The following NKD2 variants were observed in gnomAD, a reference collection of about 807,000 sequenced individuals.
NKD2 encodes the protein protein naked cuticle homolog 2.
In NKD2, 43 loss-of-function variants were observed where a neutral mutation model predicts 34.8. The observed-to-expected ratio is 1.24, with a 90% CI of 0.97 to 1.60. NKD2 has a LOEUF of 1.60. NKD2 is among the 40% of genes most tolerant of loss of function. The pLI is 0.00. For synonymous variants in NKD2, 278 were observed against 265.1 expected (o/e 1.05, Z -0.47); for missense variants, 675 against 627.1 (o/e 1.08, Z -0.82).
rs149702112 is a variant in NKD2 at position 1,017,066 on chromosome 5, C to T, written c.141+7506C>T. 9.6e-4 allele frequency among the ~76,000 whole-genome samples: 146 copies of T among 152,268 alleles called. 1 individual carries two copies. Among genetic ancestry groups the T allele is most frequent in the Middle Eastern group, 3.4e-3 (1 of 294 alleles). On this transcript the variant is annotated intron_variant, in intron 3 of 9. Transcript: ENST00000296849. ...TCCTTCCCACAAAGGATAACAGAGCCGACCTCATCCTCGTTCCCACAAAGG... is the reference window on the plus strand; with the variant it reads ...TCCTTCCCACAAAGGATAACAGAGCTGACCTCATCCTCGTTCCCACAAAGG...
At chr5:1,032,455 T>TA (rs1354520423) in intron 4 of NKD2, among the ~76,000 whole-genome samples, 12 of 152,248 alleles carry the variant, frequency 7.9e-5, no homozygotes, top group African/African-American at 2.9e-4. Flanking sequence ...CCCTAAGCGT[T>TA]ACCTTTATGT....
chr5:1,030,765 T>C (rs1490314644), intron 3 of NKD2, among the ~76,000 whole-genome samples: 1 of 152,096 alleles, frequency 6.6e-6, no homozygotes, highest in African/African-American at 2.4e-5. Flanking sequence ...TTTTTAATAA[T>C]CAGCTGTTTT....
At position 1,038,411 on chromosome 5, in the gene NKD2, A is replaced by G. The variant is rs3889678; in HGVS notation, c.*38A>G. 0.98 allele frequency: 1,508,253 copies of G among 1,535,532 alleles called. 744,515 individuals are homozygous for G. Among genetic ancestry groups the G allele is most frequent in the East Asian group, 1 (40,832 of 40,832 alleles). On this transcript the variant is annotated 3_prime_UTR_variant, in exon 10 of 10. Transcript: ENST00000296849. The surrounding 1 kb of genome is among the most constrained non-coding windows in gnomAD (Gnocchi z 4.5). ...GCACACCTCGCTCCCAGCACACCACAGCCCGCGACCTCAGGGCAGGGAGCA... is the reference window on the plus strand; with the variant it reads ...GCACACCTCGCTCCCAGCACACCACGGCCCGCGACCTCAGGGCAGGGAGCA...
chr5:1,026,819 A>G (rs1756432047), intron 3 of NKD2, among the ~76,000 whole-genome samples: 1 of 152,238 alleles, frequency 6.6e-6, no homozygotes, highest in Non-Finnish European at 1.5e-5. Context: ...GGTCCTGCCC[A>G]GCCGCATCCC....
At chr5:1,032,791 G>T (rs558514247) in intron 4 of NKD2, among the ~76,000 whole-genome samples, 2 of 152,340 alleles carry the variant, frequency 1.3e-5, no homozygotes, top group Admixed American at 1.3e-4. Context: ...CAGGCTCGAC[G>T]TGCACCTGTC....
chr5:1,036,114 C>T, intron 8 of NKD2, 143 bp from the exon 9 acceptor site: 12 of 1,351,476 alleles, frequency 8.9e-6, no homozygotes, highest in Non-Finnish European at 1.1e-5. Flanking sequence ...GCCCAGGCGT[C>T]CACTCTCCTT....
intron 3 of NKD2, among the ~76,000 whole-genome samples, chr5:1,026,769 C>T (rs1297698762): frequency 6.6e-6 from 1 of 152,274 alleles, no homozygotes; most frequent in African/African-American, 2.4e-5. Context: ...TCCTCCCAGC[C>T]CCCGAGGCAG....
chr5:1,015,453 A>C (rs1755910982), intron 3 of NKD2, among the ~76,000 whole-genome samples: 1 of 152,236 alleles, frequency 6.6e-6, no homozygotes. Context: ...AGCCTACCCC[A>C]GAATTTGTAG....
At chr5:1,010,814 C>T (rs1033769003) in intron 3 of NKD2, among the ~76,000 whole-genome samples, 6 of 152,192 alleles carry the variant, frequency 3.9e-5, no homozygotes, top group African/African-American at 7.2e-5. Context: ...GGTGGGCGGG[C>T]GTTCACCTCT....
intron 9 of NKD2, chr5:1,036,812 A>G (rs552911835): frequency 1.3e-5 from 6 of 456,300 alleles, no homozygotes; most frequent in South Asian, 7.8e-5. Context: ...GGCAGTGTGG[A>G]CGGCAGGGCA....
At chr5:1,033,525 C>T (rs112787542) in intron 5 of NKD2, 26 bp downstream of exon 5, 56 of 1,533,260 alleles carry the variant, frequency 3.7e-5, no homozygotes, top group African/African-American at 1.9e-4. Flanking sequence ...GCCTCACTTG[C>T]GGGAACACGT....
chr5:1,024,536 C>T (rs1429625433), intron 3 of NKD2, among the ~76,000 whole-genome samples: 3 of 86,370 alleles, frequency 3.5e-5, no homozygotes, highest in African/African-American at 1.5e-4. Flanking sequence ...GCCCATTGTC[C>T]CTGCTCTTCC....
chr5:1,034,032 C>T (rs1733665464), intron 5 of NKD2: 2 of 592,008 alleles, frequency 3.4e-6, no homozygotes, highest in African/African-American at 3.7e-5. Flanking sequence ...AAAGCTGGGT[C>T]CCCCCAAGAA....
In NKD2 at chr5:1,034,257, TGGA is replaced by T. The variant is rs573122605; in HGVS notation, c.360_362del (p.Glu120del). 1,591 of 1,612,280 alleles carry T rather than the reference TGGA, an allele frequency of 9.9e-4. 2 individuals carry two copies. Among genetic ancestry groups the T allele is most frequent in the Non-Finnish European group, 1.2e-3 (1,385 of 1,179,816 alleles). On this transcript the variant is annotated inframe_deletion, in exon 6 of 10. Transcript: ENST00000296849. ...CAGGCACTCCAGTGCGATGTCTCGG[TGGA>T]GGAGGACGACCGCCAGGAGTGGACG...
chr5:1,015,821 CCT>C (rs980435732), intron 3 of NKD2, among the ~76,000 whole-genome samples: 1 of 152,200 alleles, frequency 6.6e-6, no homozygotes, highest in African/African-American at 2.4e-5. Context: ...GTGGCTCCGT[CCT>C]CTCACAGGTC....
chr5:1,031,545 G>A lies in NKD2; in HGVS notation c.142-607G>A, dbSNP rs375490067. Reference sequence around the variant, plus strand: ...AGGGGCTCCGCACCTCCACCACTGCGCAAGGCCCCTGCCCTGACCACAGGT... The same window carrying A: ...AGGGGCTCCGCACCTCCACCACTGCACAAGGCCCCTGCCCTGACCACAGGT... On this transcript the variant is annotated intron_variant, in intron 3 of 9. Coordinates refer to ENST00000296849, the MANE Select transcript of NKD2 (RefSeq NM_033120.4). 2.2e-4 allele frequency among the ~76,000 whole-genome samples: 29 copies of A among 134,710 alleles called. 3 individuals carry two copies. The highest frequency in any genetic ancestry group is 1.7e-3 in the East Asian group (7 of 4,142). 88.4% of individuals were successfully genotyped at this position (134,710 alleles called of 152,430 possible). A position where few individuals can be genotyped will look rare whatever the true frequency, so the allele number is the denominator to read the frequency against.
chr5:1,026,378 A>T (rs866910207), intron 3 of NKD2, among the ~76,000 whole-genome samples: 1 of 72,654 alleles, frequency 1.4e-5, no homozygotes. Context: ...GTCTCGGCCC[A>T]TTGTCCCTGC....
Position 1,037,896 on chromosome 5 carries a change from C to T in NKD2, c.879C>T (p.Ala293=), listed in dbSNP as rs34109339. The stretch of plus-strand genomic sequence containing the variant: ...GCTCCCAGGAGCCAGATACACATGC[C>T]GTACACCACCGCAGGTCACAGGTGC... ...RSRSQEPDTH[A]VHHRRSQVLV... Residue 293 remains alanine (A), a synonymous_variant, in exon 10 of 10, where the codon GCC becomes GCT. Transcript: ENST00000296849. The T allele has an allele frequency of 1.9e-3, 3,094 of 1,606,226 alleles. 16 individuals are homozygous for T. Among genetic ancestry groups the T allele is most frequent in the African/African-American group, 0.019 (1,410 of 75,028 alleles).
chr5:1,032,028 T>C, intron 3 of NKD2, 124 bp from the exon 4 acceptor site: 1 of 733,346 alleles, frequency 1.4e-6, no homozygotes, highest in Non-Finnish European at 2.4e-6. Context: ...GACCCAGAGA[T>C]TGAGACGCCC....
Sources: gnomAD v4.1 joint callset for allele counts (sites outside exome capture counted in the v4.1 genomes callset) on GRCh38, gnomAD v4.1.1 for gene constraint, Gnocchi (gnomAD v3.1) non-coding constraint, MANE v1.5 for transcripts, NCBI Gene and HGNC (gene_info 2026-07-23, HGNC 2026-07-21) for gene names.